WDR62: variants seen among roughly 807,000 people sequenced by gnomAD.
The protein encoded by WDR62 is WD repeat-containing protein 62.
WDR62 carries 112 observed loss-of-function variants against 160.6 expected under a neutral mutation model. That is an observed-to-expected ratio of 0.70 (90% CI 0.60 to 0.82). WDR62 has a LOEUF of 0.82. WDR62 is among the 40% of genes least tolerant of loss of function. The probability of loss-of-function intolerance (pLI) is 0.00; values close to 1 mark genes in which losing one functional copy is unlikely to be tolerated. For synonymous variants in WDR62, 792 were observed against 815.1 expected (o/e 0.97, Z 0.48); for missense variants, 1,819 against 1,983.8 (o/e 0.92, Z 1.58).
chr19:36,061,369 T>C (rs1970636988), intron 3 of WDR62: 1 of 152,186 alleles, frequency 6.6e-6, no homozygotes, highest in Non-Finnish European at 1.5e-5. Context: ...TGGGAGAGCA[T>C]TCATAAGGCA....
the WDR62 span, among the ~76,000 whole-genome samples, chr19:36,110,674 G>A: frequency 1.1e-4 from 16 of 152,232 alleles, no homozygotes; most frequent in East Asian, 3.1e-3. Flanking sequence ...ACCTGAGGAT[G>A]CACAGCCTGG....
In WDR62 at chr19:36,073,526, G is replaced by A. The variant is rs139460397; in HGVS notation, c.1228G>A (p.Val410Met). 6.2e-6 allele frequency: 10 copies of A among 1,612,940 alleles called. No homozygotes were observed. Among genetic ancestry groups the A allele is most frequent in the African/African-American group, 5.4e-5 (4 of 74,750 alleles). Residue 410 changes from valine to methionine, a missense_variant, in exon 9 of 32, where the codon GTG becomes ATG. Around this residue, in one of 3 missense-constraint regions of WDR62, gnomAD observed 934 missense variants for 1,157.2 expected, o/e 0.81. Coordinates refer to ENST00000401500, the MANE Select transcript of WDR62 (RefSeq NM_001083961.2). Reference protein sequence around the residue: ...ELFHSSYVWNVEVYPEFEDQR... With the variant: ...ELFHSSYVWNMEVYPEFEDQR... Reference sequence around the variant, plus strand: ...CTTCCACAGCTCCTACGTTTGGAACGTGGAGGTGAGCCCCCCCCCCACCCC... The same window carrying A: ...CTTCCACAGCTCCTACGTTTGGAACATGGAGGTGAGCCCCCCCCCCACCCC...
At chr19:36,070,844 T>C (rs1412124375) in intron 7 of WDR62, 1 of 152,742 alleles carries the variant, frequency 6.5e-6, no homozygotes, top group South Asian at 2.1e-4. Context: ...TTCTAGATAC[T>C]GTAACTTTTT....
At position 36,092,321 on chromosome 19, in the gene WDR62, A is replaced by G. The variant is rs571916299; in HGVS notation, c.2211-368A>G. ...GCAAGACTCTCTCAAAAAAAAAAAAAAAAGAAAATTGTATGGTGAGAAATG... is the reference window on the plus strand; with the variant it reads ...GCAAGACTCTCTCAAAAAAAAAAAAGAAAGAAAATTGTATGGTGAGAAATG... On this transcript the variant is annotated intron_variant, in intron 18 of 31. Coordinates refer to ENST00000401500, the MANE Select transcript of WDR62 (RefSeq NM_001083961.2). Among the ~76,000 whole-genome samples the G allele has an allele frequency of 1.5e-4, 23 of 152,196 alleles. 1 individual carries two copies. Among genetic ancestry groups the G allele is most frequent in the African/African-American group, 5.5e-4 (23 of 41,554 alleles).
intron 2 of WDR62, 77 bp downstream of exon 2, chr19:36,058,948 G>A (rs1254950147): frequency 1.7e-5 from 21 of 1,203,952 alleles, no homozygotes; most frequent in Middle Eastern, 1.9e-4. Flanking sequence ...TCCGTAAATC[G>A]CTCTGAGCCT....
intron 21 of WDR62, among the ~76,000 whole-genome samples, chr19:36,098,010 G>A (rs1375406601): frequency 6.6e-6 from 1 of 152,174 alleles, no homozygotes; most frequent in Non-Finnish European, 1.5e-5. Context: ...GCAGATACTG[G>A]GACGAATGTT....
In WDR62 at chr19:36,101,989, T is replaced by C. The variant is rs1973376752; in HGVS notation, c.3083-25T>C. On this transcript the variant is annotated intron_variant, in intron 25 of 31. Transcript: ENST00000401500. Reference sequence around the variant, plus strand: ...TGTGACTCATGGTGTTGGCTCCTCTTGTCCCTCCCCTCCTTCCCTGTCAGG... The same window carrying C: ...TGTGACTCATGGTGTTGGCTCCTCTCGTCCCTCCCCTCCTTCCCTGTCAGG... 5 of 1,613,864 alleles carry C rather than the reference T, an allele frequency of 3.1e-6. No homozygotes were observed. The Admixed American group carries it at 5.0e-5, about 16-fold the overall frequency.
rs1221627847 is a variant in WDR62, at chr19:36,096,716, AAG to A, written c.2468-309_2468-308del. On this transcript the variant is annotated intron_variant, in intron 20 of 31. Transcript: ENST00000401500. The stretch of plus-strand genomic sequence containing the variant: ...ACAGAGCGAGACTCCGTCTCAAAAA[AAG>A]AAAAAAAAAGAGAACCCCAAGAGTT... 1.6e-4 allele frequency among the ~76,000 whole-genome samples: 24 copies of A among 150,778 alleles called. 1 individual carries two copies. Among genetic ancestry groups the A allele is most frequent in the Admixed American group, 2.6e-4 (4 of 15,152 alleles).
In WDR62 at chr19:36,066,295, G is replaced by A. The variant is rs1270235737; in HGVS notation, c.429G>A (p.Glu143=). 5 of 1,614,238 alleles carry A rather than the reference G, an allele frequency of 3.1e-6. No individual in the cohort carries two copies. Among genetic ancestry groups the A allele is most frequent in the Non-Finnish European group, 4.2e-6 (5 of 1,180,040 alleles). The stretch of plus-strand genomic sequence containing the variant: ...CTGCTGTGCGCATCTGGGATGTGGA[G>A]GAGAAGAATCAGGTGGCGGAGATGC... ...HRPAVRIWDV[E]EKNQVAEMLG... is the part of the protein sequence containing the mutation. Residue 143 remains glutamate (E), a synonymous_variant, in exon 5 of 32, where the codon GAG becomes GAA. Coordinates refer to ENST00000401500, the MANE Select transcript of WDR62 (RefSeq NM_001083961.2).
Position 36,105,002 on chromosome 19 carries a change from G to T in WDR62, c.4546G>T (p.Val1516Leu). The change falls in exon 32 of 32, where the codon GTG (valine) becomes TTG (leucine). Residue 1516 changes from valine (V) to leucine (L), a missense_variant. Coordinates refer to ENST00000401500, the MANE Select transcript of WDR62 (RefSeq NM_001083961.2). ...CTACTCGGAGCTGCTGGTGCAGGCC[G>T]TGCGGAGGAAGGCACGGGGGCACTG... Reference protein sequence around the residue: ...EHYSELLVQAVRRKARGH With the variant: ...EHYSELLVQALRRKARGH 6.2e-7 allele frequency: 1 copy of T among 1,601,278 alleles called. No individual in the cohort carries two copies. The highest frequency in any genetic ancestry group is 1.1e-5 in the South Asian group (1 of 89,902).
At chr19:36,059,176 G>C in intron 2 of WDR62, 1 of 529,186 alleles carries the variant, frequency 1.9e-6, no homozygotes, top group East Asian at 4.8e-5. Flanking sequence ...TTGTGTCCCA[G>C]CTCTGCCATG....
chr19:36,087,517 A>G (rs1181406393), intron 13 of WDR62, among the ~76,000 whole-genome samples: 1 of 151,764 alleles, frequency 6.6e-6, no homozygotes, highest in Non-Finnish European at 1.5e-5. Flanking sequence ...TCTCAAAAAA[A>G]AAAAAAAGAA....
At position 36,081,563 on chromosome 19, in the gene WDR62, T is replaced by G; in HGVS notation, c.1364T>G (p.Phe455Cys). ...GATTCTCACTGGCAGAAAAACATCTTCAGCAATGTGAGTGGCTTCCTTTGT... is the reference window on the plus strand; with the variant it reads ...GATTCTCACTGGCAGAAAAACATCTGCAGCAATGTGAGTGGCTTCCTTTGT... Reference protein sequence around the residue: ...SPDSHWQKNIFSNTLLKVVYV... With the variant: ...SPDSHWQKNICSNTLLKVVYV... Residue 455 changes from phenylalanine (F) to cysteine (C), a missense_variant, in exon 10 of 32, where the codon TTC becomes TGC. Transcript: ENST00000401500. 1 of 1,614,186 alleles carries G rather than the reference T, an allele frequency of 6.2e-7. No homozygotes were observed. The highest frequency in any genetic ancestry group is 8.5e-7 in the Non-Finnish European group (1 of 1,180,034).
rs375420785 is a variant in WDR62, at chr19:36,104,685, G to A, written c.4311+10G>A. 4.3e-6 allele frequency: 7 copies of A among 1,614,070 alleles called. No individual in the cohort carries two copies. The highest frequency in any genetic ancestry group is 5.9e-6 in the Non-Finnish European group (7 of 1,180,030). ...CGACCTTTACCGTGTGGTGAGCTAAGCCCCAGAGTTGGGAAAGGGTTGAGG... is the reference window on the plus strand; with the variant it reads ...CGACCTTTACCGTGTGGTGAGCTAAACCCCAGAGTTGGGAAAGGGTTGAGG... On this transcript the variant is annotated intron_variant, in intron 31 of 31. Transcript: ENST00000401500.
intron 12 of WDR62, 130 bp downstream of exon 12, chr19:36,084,874 C>T (rs1232288309): frequency 3.6e-6 from 3 of 835,290 alleles, no homozygotes; most frequent in East Asian, 2.6e-5. Flanking sequence ...TCGGTAAGGG[C>T]CCCTGTAGCT....
downstream of WDR62, among the ~76,000 whole-genome samples, chr19:36,109,984 G>A (rs1315907375): frequency 1.3e-5 from 2 of 151,406 alleles, no homozygotes; most frequent in Non-Finnish European, 2.9e-5. Flanking sequence ...GAACCCAGGA[G>A]GCGGAGGTCA....
chr19:36,079,450 C>A (rs900000711), intron 9 of WDR62, among the ~76,000 whole-genome samples: 1 of 152,166 alleles, frequency 6.6e-6, no homozygotes, highest in Non-Finnish European at 1.5e-5. Context: ...TCTCTTCTTT[C>A]GTCTCAATCT....
downstream of WDR62, among the ~76,000 whole-genome samples, chr19:36,107,614 C>G (rs893511023): frequency 6.6e-6 from 1 of 151,914 alleles, no homozygotes; most frequent in Non-Finnish European, 1.5e-5. Flanking sequence ...CATCTGGGGT[C>G]AGATGAGTCC....
downstream of WDR62, among the ~76,000 whole-genome samples, chr19:36,106,890 G>C (rs1482761778): frequency 6.6e-6 from 1 of 152,140 alleles, no homozygotes; most frequent in Non-Finnish European, 1.5e-5. Flanking sequence ...AGGGAGTCCA[G>C]GTGGTCCAGA....
Sources: allele counts gnomAD v4.1 joint callset (sites outside exome capture counted in the v4.1 genomes callset), GRCh38; gene constraint gnomAD v4.1.1; regional missense constraint gnomAD v4.1.1; transcripts MANE v1.5; gene names NCBI Gene and HGNC (gene_info 2026-07-23, HGNC 2026-07-21).